CIRSR: variants seen among roughly 807,000 people sequenced by gnomAD.
CIRSR encodes corepressor of RBPJ and splicing regulator, also known as CBF1 (RBPJ) interacting corepressor 1.
chr2:174,362,686 CAAAAAA>C, the CIRSR span, among the ~76,000 whole-genome samples: 506 of 20,630 alleles, frequency 0.025, 4 homozygotes, highest in African/African-American at 0.052. Flanking sequence ...GACTCTGCCT[CAAAAAA>C]AAAAAAAAAA....
the CIRSR span, among the ~76,000 whole-genome samples, chr2:174,370,689 C>T: frequency 6.6e-6 from 1 of 151,982 alleles, no homozygotes; most frequent in Non-Finnish European, 1.5e-5. Flanking sequence ...CCGAGGTGGG[C>T]GGATCACGAG....
At chr2:174,362,949 T>A in the CIRSR span, among the ~76,000 whole-genome samples, 1 of 152,098 alleles carries the variant, frequency 6.6e-6, no homozygotes, top group Admixed American at 6.5e-5. Context: ...TCATGAGTTT[T>A]ATTTCCAGAG....
At chr2:174,354,630 TAA>T in the CIRSR span, among the ~76,000 whole-genome samples, 1 of 82,586 alleles carries the variant, frequency 1.2e-5, no homozygotes, top group African/African-American at 4.9e-5. Context: ...ATATATTATA[TAA>T]TATATATTAT....
At chr2:174,358,118 G>A in the CIRSR span, 3 of 152,196 alleles carry the variant, frequency 2.0e-5, no homozygotes, top group Admixed American at 2.0e-4. Context: ...TTTCGTTTTA[G>A]TCTATGTGTC....
chr2:174,360,461 AT>A, the CIRSR span, among the ~76,000 whole-genome samples: 2 of 152,250 alleles, frequency 1.3e-5, no homozygotes, highest in Admixed American at 1.3e-4. Context: ...TTTGTGTTAA[AT>A]TCATTAAGTA....
At chr2:174,357,974 T>G in the CIRSR span, among the ~76,000 whole-genome samples, 2 of 152,344 alleles carry the variant, frequency 1.3e-5, no homozygotes, top group East Asian at 3.9e-4. Flanking sequence ...ACTGGGAATT[T>G]TCCTGACACA....
chr2:174,391,540 A>C, the CIRSR span, among the ~76,000 whole-genome samples: 4 of 152,152 alleles, frequency 2.6e-5, no homozygotes, highest in Admixed American at 2.0e-4. Context: ...CAGTGAGCTG[A>C]GACTGCATCA....
At chr2:174,376,589 A>G in the CIRSR span, among the ~76,000 whole-genome samples, 1 of 151,178 alleles carries the variant, frequency 6.6e-6, no homozygotes, top group Non-Finnish European at 1.5e-5. Context: ...TGAGGTCAGG[A>G]GATCAAGACC....
chr2:174,378,507 T>C, the CIRSR span, among the ~76,000 whole-genome samples: 1 of 145,914 alleles, frequency 6.9e-6, no homozygotes, highest in Non-Finnish European at 1.5e-5. Flanking sequence ...TAAAAAACAA[T>C]TTTAACATAC....
the CIRSR span, among the ~76,000 whole-genome samples, chr2:174,378,060 G>A: frequency 1.3e-5 from 2 of 152,258 alleles, no homozygotes; most frequent in African/African-American, 4.8e-5. Flanking sequence ...GGCCTTGGTG[G>A]CCTGAGAGGA....
At chr2:174,384,490 C>CA in the CIRSR span, among the ~76,000 whole-genome samples, 1 of 152,116 alleles carries the variant, frequency 6.6e-6, no homozygotes, top group African/African-American at 2.4e-5. Flanking sequence ...CACTGAATTG[C>CA]ACACTTAAAA....
the CIRSR span, among the ~76,000 whole-genome samples, chr2:174,353,091 C>A: frequency 3.3e-5 from 5 of 152,272 alleles, no homozygotes; most frequent in African/African-American, 1.2e-4. Flanking sequence ...ACTTTCCAGG[C>A]TTTACCATTC....
chr2:174,384,884 A>G, the CIRSR span, among the ~76,000 whole-genome samples: 43 of 152,330 alleles, frequency 2.8e-4, no homozygotes, highest in African/African-American at 9.9e-4. Flanking sequence ...GACATCCCAT[A>G]AAATCTTTGT....
chr2:174,367,276 A>G, the CIRSR span, among the ~76,000 whole-genome samples: 1 of 152,150 alleles, frequency 6.6e-6, no homozygotes, highest in Non-Finnish European at 1.5e-5. Flanking sequence ...CTCTCCAAAA[A>G]GTTTTTAAAA....
chr2:174,383,003 A>C, the CIRSR span, among the ~76,000 whole-genome samples: 4 of 152,178 alleles, frequency 2.6e-5, no homozygotes, highest in African/African-American at 9.7e-5. Flanking sequence ...AAAAAGAAGC[A>C]AAAGGCCACA....
chr2:174,380,917 T>C, the CIRSR span: 1 of 913,650 alleles, frequency 1.1e-6, no homozygotes. Context: ...TATTTAATTG[T>C]CACTTGTAAG....
chr2:174,367,026 A>G, the CIRSR span, among the ~76,000 whole-genome samples: 1 of 152,250 alleles, frequency 6.6e-6, no homozygotes, highest in Admixed American at 6.5e-5. Flanking sequence ...GAGAAAACAG[A>G]AACTAAGAGA....
chr2:174,378,041 T>C, the CIRSR span, among the ~76,000 whole-genome samples: 1 of 151,958 alleles, frequency 6.6e-6, no homozygotes, highest in Non-Finnish European at 1.5e-5. Flanking sequence ...TCTAAGGAGG[T>C]GCATCACAGG....
the CIRSR span, among the ~76,000 whole-genome samples, chr2:174,350,450 T>C: frequency 6.6e-6 from 1 of 152,196 alleles, no homozygotes; most frequent in South Asian, 2.1e-4. Flanking sequence ...TGCAATCGTT[T>C]TGTGGTACAA....
Sources: allele counts gnomAD v4.1 joint callset (sites outside exome capture counted in the v4.1 genomes callset), GRCh38; gene constraint gnomAD v4.1.1; transcripts MANE v1.5; gene names NCBI Gene and HGNC (gene_info 2026-07-23, HGNC 2026-07-21).